CLNS1A: variants seen among roughly 807,000 people sequenced by gnomAD.
CLNS1A encodes chloride nucleotide-sensitive channel 1A.
CLNS1A carries 16 observed loss-of-function variants against 29.4 expected under a neutral mutation model. That is an observed-to-expected ratio of 0.54 (90% CI 0.37 to 0.83). The LOEUF (loss-of-function observed/expected upper bound fraction) is 0.83, where lower values mean the gene tolerates loss of function less well. CLNS1A is among the 40% of genes least tolerant of loss of function. The pLI is 0.00. For missense variants in CLNS1A, 235 were observed against 287.4 expected, an observed-to-expected ratio of 0.82 and a Z score of 1.32; for synonymous variants, 96 against 104.8, an observed-to-expected ratio of 0.92 and a Z score of 0.51.
intron 1 of CLNS1A, among the ~76,000 whole-genome samples, chr11:77,635,470 G>T (rs1959115779): frequency 6.6e-6 from 1 of 151,390 alleles, no homozygotes; most frequent in Non-Finnish European, 1.5e-5. Context: ...TCCTGCCTCA[G>T]CCTCCCAAGT....
chr11:77,630,028 G>A (rs1182099416), intron 1 of CLNS1A, 129 bp from the exon 2 acceptor site: 9 of 766,942 alleles, frequency 1.2e-5, no homozygotes, highest in Admixed American at 6.3e-5. Flanking sequence ...TTTTAGAAAC[G>A]TTCATAAAAT....
At chr11:77,632,865 AT>A (rs1565130036) in intron 1 of CLNS1A, among the ~76,000 whole-genome samples, 1 of 152,048 alleles carries the variant, frequency 6.6e-6, no homozygotes, top group African/African-American at 2.4e-5. Flanking sequence ...AGGTGGATGG[AT>A]CACCTGAGGT....
At chr11:77,620,043 A>G (rs1488750476) in intron 5 of CLNS1A, among the ~76,000 whole-genome samples, 1 of 152,196 alleles carries the variant, frequency 6.6e-6, no homozygotes, top group East Asian at 1.9e-4. Context: ...CAAAGTGAAA[A>G]GACAAAAATC....
chr11:77,635,379 TCTCA>T (rs1271590428), intron 1 of CLNS1A, among the ~76,000 whole-genome samples: 2 of 149,234 alleles, frequency 1.3e-5, no homozygotes, highest in African/African-American at 4.9e-5. Context: ...TTTGAGACAG[TCTCA>T]CTCTGTCACC....
At chr11:77,632,319 C>T (rs1565129747) in intron 1 of CLNS1A, among the ~76,000 whole-genome samples, 1 of 152,150 alleles carries the variant, frequency 6.6e-6, no homozygotes, top group Non-Finnish European at 1.5e-5. Flanking sequence ...AGAAACATTC[C>T]AAATTTGGGT....
intron 1 of CLNS1A, among the ~76,000 whole-genome samples, chr11:77,637,157 G>A (rs1417489449): frequency 6.8e-6 from 1 of 148,148 alleles, no homozygotes; most frequent in Admixed American, 6.8e-5. Flanking sequence ...CTGTTCATCC[G>A]GAAAGACAGG....
In CLNS1A at chr11:77,629,771, T is replaced by C; in HGVS notation, c.254A>G (p.Lys85Arg). The change falls in exon 2 of 7, where the codon AAA becomes AGA. Residue 85 changes from lysine to arginine, a missense_variant. Transcript: ENST00000525428. ...GEHLYVMVNA[K>R]FEEESKEPVA... ...AATTACACCATACATACCTTCAAAT[T>C]TGGCATTCACCATAACATACAAATG... The C allele has an allele frequency of 1.2e-6, 2 of 1,612,430 alleles. No homozygotes were observed. The highest frequency in any genetic ancestry group is 1.7e-6 in the Non-Finnish European group (2 of 1,179,816).
At position 77,623,457 on chromosome 11, in the gene CLNS1A, C is replaced by T. The variant is rs982543015; in HGVS notation, c.473-784G>A. Among the ~76,000 whole-genome samples, 24 of 151,940 alleles carry T rather than the reference C, an allele frequency of 1.6e-4. No individual in the cohort carries two copies. In the South Asian group the frequency reaches 4.8e-3, roughly 30 times the overall value. On this transcript the variant is annotated intron_variant, in intron 4 of 6. Coordinates refer to ENST00000525428, the MANE Select transcript of CLNS1A (RefSeq NM_001293.3). ...AATGTTTTTTTTAATTAGCCGGGCACGTGGTGTGCACCTGTAGTCTCAGCT... is the reference window on the plus strand; with the variant it reads ...AATGTTTTTTTTAATTAGCCGGGCATGTGGTGTGCACCTGTAGTCTCAGCT...
chr11:77,616,818 C>G (rs1958909352), intron 6 of CLNS1A, 123 bp from the exon 7 acceptor site: 1 of 152,130 alleles, frequency 6.6e-6, no homozygotes, highest in African/African-American at 2.4e-5. Flanking sequence ...CTGCAACAAC[C>G]CTGCAAGGTA....
chr11:77,636,306 G>C (rs575386159), intron 1 of CLNS1A, among the ~76,000 whole-genome samples: 3 of 152,074 alleles, frequency 2.0e-5, no homozygotes, highest in African/African-American at 4.8e-5. Flanking sequence ...GGGCTCAAGC[G>C]ATCTGCCTGC....
chr11:77,630,473 C>T (rs1959062989), intron 1 of CLNS1A, among the ~76,000 whole-genome samples: 1 of 152,190 alleles, frequency 6.6e-6, no homozygotes, highest in Admixed American at 6.5e-5. Flanking sequence ...ATGAATCCTA[C>T]ACTAAAAGAC....
chr11:77,630,265 A>C (rs768631868), intron 1 of CLNS1A, among the ~76,000 whole-genome samples: 3 of 152,198 alleles, frequency 2.0e-5, no homozygotes, highest in Non-Finnish European at 4.4e-5. Context: ...ACACCAGTCC[A>C]TAAAGATCTC....
At chr11:77,625,365 G>A in intron 3 of CLNS1A, 1 of 450,384 alleles carries the variant, frequency 2.2e-6, no homozygotes, top group Non-Finnish European at 3.9e-6. Context: ...CAGCTGATAG[G>A]GCTCTTTCCA....
chr11:77,625,388 T>C, intron 3 of CLNS1A: 4 of 445,810 alleles, frequency 9.0e-6, no homozygotes, highest in Non-Finnish European at 7.9e-6. Flanking sequence ...CATCCTGAGA[T>C]CTTCCACTTT....
At chr11:77,632,070 T>TA in intron 1 of CLNS1A, among the ~76,000 whole-genome samples, 1 of 152,320 alleles carries the variant, frequency 6.6e-6, no homozygotes, top group African/African-American at 2.4e-5. Context: ...CTAAAAGTGA[T>TA]AAAACCTCTA....
chr11:77,633,133 TG>T (rs1321323577), intron 1 of CLNS1A, among the ~76,000 whole-genome samples: 2 of 150,866 alleles, frequency 1.3e-5, no homozygotes, highest in Non-Finnish European at 3.0e-5. Context: ...TCATTTAATC[TG>T]GCAATTTTAA....
intron 4 of CLNS1A, among the ~76,000 whole-genome samples, chr11:77,622,909 T>C (rs563699509): frequency 8.9e-4 from 134 of 150,574 alleles, no homozygotes; most frequent in South Asian, 6.1e-3. Context: ...GATCACGCCA[T>C]TGTACTCCAG....
chr11:77,625,764 A>C lies in CLNS1A; in HGVS notation c.317T>G (p.Val106Gly). The C allele has an allele frequency of 3.1e-6, 5 of 1,611,426 alleles. No homozygotes were observed. Among genetic ancestry groups the C allele is most frequent in the Non-Finnish European group, 8.5e-7 (1 of 1,177,798 alleles). ...DEEEEDSDDDVEPITEFRFVP... is the reference protein window; with the variant it reads ...DEEEEDSDDDGEPITEFRFVP... ...AAATCTAAATTCAGTAATAGGTTCA[A>C]CATCATCATCACTGTCTTCCTCTTC... The change falls in exon 3 of 7, where the codon GTT becomes GGT. Residue 106 changes from valine (V) to glycine (G), a missense_variant. By Grantham distance (109) the Val-to-Gly change is moderately radical. Coordinates refer to ENST00000525428, the MANE Select transcript of CLNS1A (RefSeq NM_001293.3).
chr11:77,625,987 T>C (rs1245671550), intron 2 of CLNS1A, among the ~76,000 whole-genome samples, 169 bp from the exon 3 acceptor site: 2 of 152,168 alleles, frequency 1.3e-5, no homozygotes. Flanking sequence ...TAGAAAAGCC[T>C]TGCCTCGATC....
Sources: allele counts gnomAD v4.1 joint callset (sites outside exome capture counted in the v4.1 genomes callset), GRCh38; gene constraint gnomAD v4.1.1; transcripts MANE v1.5; gene names NCBI Gene and HGNC (gene_info 2026-07-23, HGNC 2026-07-21).